Variants in SCARB1 observed in about 807,000 individuals in gnomAD.
The protein encoded by SCARB1 is scavenger receptor class B member 1.
In SCARB1, 30 loss-of-function variants were observed where a neutral mutation model predicts 57.2. The observed-to-expected ratio is 0.52, with a 90% confidence interval of 0.39 to 0.71. The LOEUF is 0.71. Ranked by LOEUF, SCARB1 falls within the 30% of genes least tolerant of loss-of-function variation. The pLI is 0.00. For missense variants in SCARB1, 543 were observed against 671.2 expected, an observed-to-expected ratio of 0.81 and a Z score of 2.11; for synonymous variants, 249 against 268.3, an observed-to-expected ratio of 0.93 and a Z score of 0.70.
intron 1 of SCARB1, among the ~76,000 whole-genome samples, chr12:124,837,507 GAAAAAAGAAAAGAAAGGAAAGAAA>G (rs1951706568): frequency 1.1e-5 from 1 of 87,284 alleles, no homozygotes; most frequent in African/African-American, 6.3e-5. Flanking sequence ...AAGGAAGGGA[GAAAAAAGAAAAGAAAGGAAAGAAA>G]AAGAAAGAAA....
chr12:124,860,341 TG>T (rs892213694), intron 1 of SCARB1, among the ~76,000 whole-genome samples: 6 of 152,236 alleles, frequency 3.9e-5, no homozygotes, highest in African/African-American at 1.4e-4. Context: ...TGTCAACTAG[TG>T]TGACAATATC....
intron 1 of SCARB1, among the ~76,000 whole-genome samples, chr12:124,857,024 G>C (rs1049263547): frequency 1.3e-5 from 2 of 152,196 alleles, no homozygotes; most frequent in Non-Finnish European, 2.9e-5. Flanking sequence ...GCACAGAAAA[G>C]GAAGGGGCAG....
intron 7 of SCARB1, among the ~76,000 whole-genome samples, chr12:124,804,109 A>C (rs1159892638): frequency 6.6e-6 from 1 of 152,052 alleles, no homozygotes; most frequent in Non-Finnish European, 1.5e-5. Context: ...GGGCCGGCCC[A>C]CCCAGGAGCC....
intron 9 of SCARB1, among the ~76,000 whole-genome samples, chr12:124,794,066 T>A (rs1405236987): frequency 6.6e-6 from 1 of 152,206 alleles, no homozygotes; most frequent in Non-Finnish European, 1.5e-5. Context: ...AGTGTATGAT[T>A]CCATTTATAT....
intron 8 of SCARB1, among the ~76,000 whole-genome samples, chr12:124,797,536 G>A (rs1465716357): frequency 6.6e-6 from 1 of 152,214 alleles, no homozygotes; most frequent in Non-Finnish European, 1.5e-5. Flanking sequence ...AGAATTGGAC[G>A]CAGCAGCTAA....
At position 124,795,436 on chromosome 12, in the gene SCARB1, G is replaced by A. The variant is rs559648979; in HGVS notation, c.1129-168C>T. On this transcript the variant is annotated intron_variant, in intron 8 of 12. Coordinates refer to ENST00000261693, the MANE Select transcript of SCARB1 (RefSeq NM_005505.5). The stretch of plus-strand genomic sequence containing the variant: ...AGCCACAGGCTGGGGGGGGTCAACA[G>A]TTCTAGAAATGCTGGGCAGGTGCAC... 5.9e-5 allele frequency among the ~76,000 whole-genome samples: 9 copies of A among 152,246 alleles called. 1 individual carries two copies. The South Asian group carries it at 1.9e-3, about 32-fold the overall frequency.
chr12:124,793,237 A>G (rs145406544), intron 9 of SCARB1, among the ~76,000 whole-genome samples: 15 of 152,304 alleles, frequency 9.8e-5, no homozygotes, highest in Non-Finnish European at 1.8e-4. Context: ...GATTTTTCTA[A>G]GAGAATTTTT....
In SCARB1 at chr12:124,814,794, G is replaced by A. The variant is rs1298277809; in HGVS notation, c.426+179C>T. Among the ~76,000 whole-genome samples the A allele has an allele frequency of 1.3e-5, 2 of 152,210 alleles. No individual in the cohort carries two copies. Among genetic ancestry groups the A allele is most frequent in the Admixed American group, 6.5e-5 (1 of 15,282 alleles). The stretch of plus-strand genomic sequence containing the variant: ...AAACCAAGACAGGTGGACCCACCTG[G>A]GAAACTCAGAACCCACTGGGGGTGG... On this transcript the variant is annotated intron_variant, in intron 3 of 12. Transcript: ENST00000261693. The surrounding 1 kb of genome is among the most constrained non-coding windows in gnomAD (Gnocchi z 4.7).
chr12:124,824,451 A>C (rs1442183092), intron 1 of SCARB1, among the ~76,000 whole-genome samples: 1 of 152,274 alleles, frequency 6.6e-6, no homozygotes, highest in Non-Finnish European at 1.5e-5. Context: ...AGATCGTGGT[A>C]ACGATTGCGC....
In SCARB1 at chr12:124,817,641, G is replaced by C. The variant is rs777727206; in HGVS notation, c.193C>G (p.Leu65Val). 1.9e-6 allele frequency: 3 copies of C among 1,614,202 alleles called. No homozygotes were observed. In the South Asian group the frequency reaches 3.3e-5, roughly 18 times the overall value. The change falls in exon 2 of 13, where the codon CTC becomes GTC. Residue 65 changes from leucine (L) to valine (V), a missense_variant. By Grantham distance (32) the Leu-to-Val change is conservative (BLOSUM62 1). Coordinates refer to ENST00000261693, the MANE Select transcript of SCARB1 (RefSeq NM_005505.5). This position sits in a 1 kb window ranked among gnomAD's most constrained non-coding sequence, Gnocchi z 4.8. ...ATGACGTCAAAGAAGTAGACGGAGAGATAGAAGGGGATAGGGATCTCCTTC... is the reference window on the plus strand; with the variant it reads ...ATGACGTCAAAGAAGTAGACGGAGACATAGAAGGGGATAGGGATCTCCTTC... ...MWKEIPIPFY[L>V]SVYFFDVMNP...
At position 124,833,889 on chromosome 12, in the gene SCARB1, A is replaced by G. The variant is rs201911279; in HGVS notation, c.127-16182T>C. Among the ~76,000 whole-genome samples, 6 of 152,226 alleles carry G rather than the reference A, an allele frequency of 3.9e-5. No individual in the cohort carries two copies. In the East Asian group the frequency reaches 1.2e-3, roughly 29 times the overall value. On this transcript the variant is annotated intron_variant, in intron 1 of 12. Transcript: ENST00000261693. ...TAAGAGAAACCCGGGCCGGGGAATGATCTGCGGAGCAGGACACTCTCCCGC... is the reference window on the plus strand; with the variant it reads ...TAAGAGAAACCCGGGCCGGGGAATGGTCTGCGGAGCAGGACACTCTCCCGC...
intron 1 of SCARB1, among the ~76,000 whole-genome samples, chr12:124,826,670 G>A (rs561040161): frequency 1.3e-5 from 2 of 151,946 alleles, no homozygotes; most frequent in South Asian, 2.1e-4. Flanking sequence ...ATGTTGCCCA[G>A]GCTGGTCTTG....
rs772381338 is a variant in SCARB1 at position 124,817,748 on chromosome 12, G to A, written c.127-41C>T. ...CAAGTACGCTTGTGAGGAGAGTGAT[G>A]AGGGCCCCACGCCCCACCACAAGGC... On this transcript the variant is annotated intron_variant, in intron 1 of 12. Transcript: ENST00000261693. This position sits in a 1 kb window ranked among gnomAD's most constrained non-coding sequence, Gnocchi z 4.8. 3 of 1,611,416 alleles carry A rather than the reference G, an allele frequency of 1.9e-6. No homozygotes were observed. The highest frequency in any genetic ancestry group is 2.5e-6 in the Non-Finnish European group (3 of 1,177,772).
chr12:124,821,743 C>T (rs144234892), intron 1 of SCARB1, among the ~76,000 whole-genome samples: 14 of 152,266 alleles, frequency 9.2e-5, no homozygotes, highest in African/African-American at 1.7e-4. Flanking sequence ...CTGAAGACCC[C>T]GGGCACCAGA....
At chr12:124,862,584 C>T (rs1191374644) in intron 1 of SCARB1, 1 of 152,220 alleles carries the variant, frequency 6.6e-6, no homozygotes, top group African/African-American at 2.4e-5. Context: ...GGGGAAAAGA[C>T]GTCCATTAGA....
chr12:124,795,364 TC>T, intron 8 of SCARB1, 96 bp from the exon 9 acceptor site: 2 of 1,005,976 alleles, frequency 2.0e-6, no homozygotes, highest in South Asian at 1.3e-5. Flanking sequence ...AGGGTGGGCG[TC>T]CCAGCTAACT....
chr12:124,804,626 CGG>C (rs1211832186), intron 7 of SCARB1, among the ~76,000 whole-genome samples: 1 of 152,210 alleles, frequency 6.6e-6, no homozygotes, highest in African/African-American at 2.4e-5. Flanking sequence ...AATGCCCAGA[CGG>C]GCCAGACAGG....
At chr12:124,790,652 A>G (rs1175748038) in intron 9 of SCARB1, among the ~76,000 whole-genome samples, 6 of 152,244 alleles carry the variant, frequency 3.9e-5, no homozygotes, top group Admixed American at 3.9e-4. Context: ...ACAGCAACTC[A>G]CACTCAGTAT....
chr12:124,786,223 C>T (rs745561499), intron 11 of SCARB1, 134 bp downstream of exon 11: 28 of 1,598,226 alleles, frequency 1.8e-5, no homozygotes, highest in African/African-American at 2.7e-5. Flanking sequence ...GCTCCCACTC[C>T]GGCAGAGACG....
Sources: allele counts gnomAD v4.1 joint callset (sites outside exome capture counted in the v4.1 genomes callset), GRCh38; gene constraint gnomAD v4.1.1; non-coding constraint Gnocchi (gnomAD v3.1); transcripts MANE v1.5; gene names NCBI Gene and HGNC (gene_info 2026-07-23, HGNC 2026-07-21).